Variants in SLC7A1 observed in about 807,000 individuals in gnomAD.
SLC7A1 encodes the protein high affinity cationic amino acid transporter 1.
A neutral mutation model predicts 53.9 loss-of-function variants in SLC7A1; 10 were observed. That is an observed-to-expected ratio of 0.19 (90% CI 0.11 to 0.31). SLC7A1 has a LOEUF of 0.31. Ranked by LOEUF, SLC7A1 falls within the 10% of genes least tolerant of loss-of-function variation. SLC7A1 has a pLI of 1.00. For missense variants in SLC7A1, 525 were observed against 827.2 expected (o/e 0.63, Z 4.48); for synonymous variants, 342 against 338.7 (o/e 1.01, Z -0.11).
At chr13:29,580,785 A>G (rs1871612853) in intron 1 of SLC7A1, among the ~76,000 whole-genome samples, 1 of 149,390 alleles carries the variant, frequency 6.7e-6, no homozygotes, top group East Asian at 1.9e-4. Flanking sequence ...TACCCTCTAC[A>G]TTCCTGCAAG....
intron 3 of SLC7A1, among the ~76,000 whole-genome samples, 161 bp from the exon 4 acceptor site, chr13:29,533,143 C>T (rs1869250301): frequency 6.6e-6 from 1 of 152,172 alleles, no homozygotes; most frequent in African/African-American, 2.4e-5. Context: ...CCAGAAGTGA[C>T]GGTCGACTAG....
In SLC7A1 at chr13:29,561,538, C is replaced by T. The variant is rs766078241; in HGVS notation, c.-114-7678G>A. Among the ~76,000 whole-genome samples, 7 of 152,208 alleles carry T rather than the reference C, an allele frequency of 4.6e-5. 1 individual carries two copies. Among genetic ancestry groups the T allele is most frequent in the South Asian group, 4.1e-4 (2 of 4,830 alleles). ...GGGGTTTCTAGTCTGAAAAGGCAAA[C>T]TACAATTAGTTTAATTTATCCTTTG... is the stretch of plus-strand genomic sequence containing the variant. On this transcript the variant is annotated intron_variant, in intron 1 of 12. Transcript: ENST00000380752.
chr13:29,592,046 T>C (rs138149199), intron 1 of SLC7A1, among the ~76,000 whole-genome samples: 1 of 152,314 alleles, frequency 6.6e-6, no homozygotes, highest in East Asian at 1.9e-4. Flanking sequence ...TCACGAAGTC[T>C]AAATTACTTC....
chr13:29,564,537 T>G (rs1870888894), intron 1 of SLC7A1, among the ~76,000 whole-genome samples: 1 of 152,210 alleles, frequency 6.6e-6, no homozygotes, highest in Non-Finnish European at 1.5e-5. Flanking sequence ...CTACTGAAAC[T>G]CTATGCCAGA....
At chr13:29,557,693 T>TG (rs538209832) in intron 1 of SLC7A1, among the ~76,000 whole-genome samples, 90 of 41,474 alleles carry the variant, frequency 2.2e-3, no homozygotes, top group Non-Finnish European at 2.8e-3. Flanking sequence ...TGAATATGAG[T>TG]GGGGGGGAGT....
At chr13:29,517,816 G>A (rs368824362) in intron 9 of SLC7A1, 26 bp from the exon 10 acceptor site, 31 of 1,575,546 alleles carry the variant, frequency 2.0e-5, no homozygotes, top group Admixed American at 3.3e-5. Context: ...TTGCGTGACC[G>A]CCACATCTGC....
In SLC7A1 at chr13:29,544,255, A is replaced by C. The variant is rs1283993907; in HGVS notation, c.-14-8053T>G. On this transcript the variant is annotated intron_variant, in intron 2 of 12. Coordinates refer to ENST00000380752, the MANE Select transcript of SLC7A1 (RefSeq NM_003045.5). ...AAAACATCAAGTCCAAAAGAACATA[A>C]TATAATACCAATGAGTACGTATGTG... Among the ~76,000 whole-genome samples the C allele has an allele frequency of 2.0e-5, 3 of 152,236 alleles. No individual in the cohort carries two copies. In the East Asian group the frequency reaches 5.8e-4, roughly 29 times the overall value.
At chr13:29,588,347 A>T (rs1306004692) in intron 1 of SLC7A1, among the ~76,000 whole-genome samples, 2 of 151,946 alleles carry the variant, frequency 1.3e-5, no homozygotes, top group African/African-American at 4.8e-5. Flanking sequence ...TCTTCAGCTG[A>T]CTCTCAAATG....
Position 29,524,157 on chromosome 13 carries a change from C to T in SLC7A1, c.801G>A (p.Val267=), listed in dbSNP as rs980086718. ...SGAATCFYAF[V]GFDCIATTGE... is the part of the protein sequence containing the mutation. The stretch of plus-strand genomic sequence containing the variant: ...CTGTGGTGGCGATGCAGTCAAAGCC[C>T]ACGAAGGCATAGAAGCAAGTCGCTG... The change falls in exon 6 of 13, where the codon GTG becomes GTA. Residue 267 remains valine, a synonymous_variant. Coordinates refer to ENST00000380752, the MANE Select transcript of SLC7A1 (RefSeq NM_003045.5). 3 of 1,613,766 alleles carry T rather than the reference C, an allele frequency of 1.9e-6. No homozygotes were observed. The highest frequency in any genetic ancestry group is 1.3e-5 in the African/African-American group (1 of 74,918).
In SLC7A1 at chr13:29,522,347, T is replaced by C; in HGVS notation, c.1159A>G (p.Ile387Val). Residue 387 changes from isoleucine (I) to valine (V), a missense_variant, in exon 8 of 13, where the codon ATC becomes GTC. Ile to Val is a conservative substitution (Grantham distance 29, BLOSUM62 3). Transcript: ENST00000380752. ...NVNDRTKTPI[I>V]ATLASGAVAA... ...ACGGCACCCGAGGCTAATGTGGCGA[T>C]TATTGGTGTTTTGGTCCTATCATTG... The C allele has an allele frequency of 1.2e-6, 2 of 1,614,088 alleles. No individual in the cohort carries two copies. The highest frequency in any genetic ancestry group is 2.2e-5 in the South Asian group (2 of 91,078).
intron 5 of SLC7A1, 27 bp downstream of exon 5, chr13:29,530,511 G>A (rs1456362092): frequency 6.2e-7 from 1 of 1,608,878 alleles, no homozygotes; most frequent in Non-Finnish European, 8.5e-7. Context: ...TGTCAACTAA[G>A]AAAAATGGTC....
intron 1 of SLC7A1, among the ~76,000 whole-genome samples, chr13:29,581,984 A>T (rs1403767944): frequency 2.6e-5 from 4 of 152,196 alleles, no homozygotes; most frequent in Non-Finnish European, 5.9e-5. Context: ...AACCCTTTAC[A>T]CACCAATCCT....
chr13:29,534,301 C>G (rs1001874824), intron 3 of SLC7A1, among the ~76,000 whole-genome samples: 4 of 152,226 alleles, frequency 2.6e-5, no homozygotes, highest in African/African-American at 4.8e-5. Flanking sequence ...TCTCGCAGAG[C>G]CTTACATTTG....
rs752150857 is a variant in SLC7A1 at position 29,530,702 on chromosome 13, A to G, written c.540T>C (p.Thr180=). 1 of 1,613,982 alleles carries G rather than the reference A, an allele frequency of 6.2e-7. No homozygotes were observed. Residue 180 remains threonine (T), a synonymous_variant, in exon 5 of 13, where the codon ACT becomes ACC. Coordinates refer to ENST00000380752, the MANE Select transcript of SLC7A1 (RefSeq NM_003045.5). ...IIILILTGLL[T]LGVKESAMVN... ...CCATGGCCGACTCTTTCACACCAAG[A>G]GTTAAAAGTCCTGAAAAAGTGCATA...
intron 3 of SLC7A1, among the ~76,000 whole-genome samples, chr13:29,534,614 G>A (rs1004409433): frequency 5.3e-5 from 8 of 152,054 alleles, no homozygotes; most frequent in African/African-American, 1.9e-4. Flanking sequence ...CCTGGTGAAG[G>A]GGGAGTGATG....
chr13:29,536,104 A>C lies in SLC7A1; in HGVS notation c.85T>G (p.Ser29Ala). 6.2e-7 allele frequency: 1 copy of C among 1,613,984 alleles called. No individual in the cohort carries two copies. The highest frequency in any genetic ancestry group is 1.6e-4 in the Middle Eastern group (1 of 6,062). The change falls in exon 3 of 13, where the codon TCT becomes GCT. Residue 29 changes from serine to alanine, a missense_variant. Ser to Ala is a moderately conservative substitution (Grantham distance 99). This residue lies in a region of SLC7A1 where 354 missense variants were observed against 587.5 expected (regional missense o/e 0.60). Transcript: ENST00000380752. ...VDCSREETRLSRCLNTFDLVA... is the reference protein window; with the variant it reads ...VDCSREETRLARCLNTFDLVA... ...AGATCAAAAGTGTTCAGGCAGCGAGACAGCCGCGTCTCCTCCCGGCTACAG... is the reference window on the plus strand; with the variant it reads ...AGATCAAAAGTGTTCAGGCAGCGAGCCAGCCGCGTCTCCTCCCGGCTACAG...
chr13:29,592,242 T>C (rs761523831), intron 1 of SLC7A1, among the ~76,000 whole-genome samples: 1 of 152,158 alleles, frequency 6.6e-6, no homozygotes, highest in Non-Finnish European at 1.5e-5. Context: ...CCAAATGCAA[T>C]ACCTGCCATT....
rs576817101 is a variant in SLC7A1 at position 29,540,743 on chromosome 13, C to G, written c.-14-4541G>C. On this transcript the variant is annotated intron_variant, in intron 2 of 12. Transcript: ENST00000380752. ...TTCAGTGGCCTTCAGAATGGCCAGG[C>G]CCCAGTCGACCCCTTTCTCCAGGCA... is the stretch of plus-strand genomic sequence containing the variant. Among the ~76,000 whole-genome samples the G allele has an allele frequency of 2.6e-5, 4 of 152,322 alleles. No individual in the cohort carries two copies. In the East Asian group the frequency reaches 7.7e-4, roughly 29 times the overall value.
chr13:29,527,143 G>T (rs2776961), intron 5 of SLC7A1, among the ~76,000 whole-genome samples: 32,129 of 151,392 alleles, frequency 0.21, 3,620 homozygotes, highest in Non-Finnish European at 0.22. Flanking sequence ...AATATATACG[G>T]AGTGCCGCGT....
Sources: allele counts gnomAD v4.1 joint callset (sites outside exome capture counted in the v4.1 genomes callset), GRCh38; gene constraint gnomAD v4.1.1; regional missense constraint gnomAD v4.1.1; transcripts MANE v1.5; gene names NCBI Gene and HGNC (gene_info 2026-07-23, HGNC 2026-07-21).